Variants in XPO5 observed in about 807,000 individuals in gnomAD.
XPO5 encodes the protein exportin-5.
In XPO5, 46 loss-of-function variants were observed where a neutral mutation model predicts 160.6. The ratio of observed to expected loss-of-function variants is 0.29; its 90% CI spans 0.23 to 0.37. The LOEUF is 0.37. Among genes scored for constraint, XPO5 ranks in the 10% least tolerant of loss-of-function variants. XPO5 has a pLI of 1.00. For missense variants in XPO5, 1,090 were observed against 1,463.9 expected (o/e 0.74, Z 4.17); for synonymous variants, 537 against 519.3 (o/e 1.03, Z -0.46).
At chr6:43,551,553 C>CTTTAA in intron 14 of XPO5, 100 bp from the exon 15 acceptor site, 4 of 1,438,694 alleles carry the variant, frequency 2.8e-6, no homozygotes, top group South Asian at 1.3e-5. Flanking sequence ...GACAGGGTCT[C>CTTTAA]ATTCTGTCAC....
At chr6:43,570,731 T>C in intron 4 of XPO5, 47 bp from the exon 5 acceptor site, 3 of 1,543,638 alleles carry the variant, frequency 1.9e-6, no homozygotes, top group Non-Finnish European at 2.6e-6. Context: ...TATCTTTTCA[T>C]TTTATGTATA....
intron 24 of XPO5, 97 bp downstream of exon 24, chr6:43,528,731 T>G: frequency 1.7e-6 from 2 of 1,183,732 alleles, no homozygotes. Flanking sequence ...GCAGGGCTAG[T>G]AGACAACACT....
intron 4 of XPO5, 50 bp from the exon 5 acceptor site, chr6:43,570,734 T>C (rs757008319): frequency 5.2e-6 from 8 of 1,540,802 alleles, no homozygotes; most frequent in Non-Finnish European, 7.0e-6. Flanking sequence ...CTTTTCATTT[T>C]ATGTATATCC....
At position 43,547,642 on chromosome 6, in the gene XPO5, C is replaced by T; in HGVS notation, c.2126G>A (p.Gly709Asp). 1 of 1,614,058 alleles carries T rather than the reference C, an allele frequency of 6.2e-7. No homozygotes were observed. Among genetic ancestry groups the T allele is most frequent in the Non-Finnish European group, 8.5e-7 (1 of 1,179,904 alleles). Residue 709 changes from glycine (G) to aspartate (D), a missense_variant, in exon 19 of 32, where the codon GGC (glycine) becomes GAC (aspartate). Gly to Asp is a moderately conservative substitution (Grantham distance 94). Around this residue, in one of 3 missense-constraint regions of XPO5, gnomAD observed 810 missense variants for 1,139.0 expected, o/e 0.71. Transcript: ENST00000265351. ...GTTTAAGCCACACGGATCCTCCAGG[C>T]CTGGGTCACAGCTCTTCTGATCTGT... ...VGTDQKSCDP[G>D]LEDPCGLNRA...
At chr6:43,567,475 G>A in intron 6 of XPO5, 121 bp from the exon 7 acceptor site, 1 of 859,806 alleles carries the variant, frequency 1.2e-6, no homozygotes. Flanking sequence ...ATATACTCAT[G>A]TAACAGTCAC....
intron 31 of XPO5, among the ~76,000 whole-genome samples, chr6:43,524,253 G>C (rs1446587578): frequency 6.6e-6 from 1 of 151,844 alleles, no homozygotes; most frequent in Non-Finnish European, 1.5e-5. Context: ...TTGGGAGGCT[G>C]AGGCAGGAGA....
Position 43,573,472 on chromosome 6 carries a change from C to G in XPO5, c.227+8G>C. ...AGACTTCAGTGGTAATGTCCAAGAG[C>G]TCCTTACTTGACAACGTGTTCCAGG... is the stretch of plus-strand genomic sequence containing the variant. On this transcript the variant is annotated splice_region_variant and intron_variant, in intron 2 of 31. Transcript: ENST00000265351. The G allele has an allele frequency of 6.2e-7, 1 of 1,612,664 alleles. No homozygotes were observed. The highest frequency in any genetic ancestry group is 8.5e-7 in the Non-Finnish European group (1 of 1,179,030).
rs199514771 is a variant in XPO5 at position 43,565,653 on chromosome 6, T to A, written c.911+7A>T. ...TAGAAAACACACTGAAAAGTAAAGA[T>A]ACTCACTGTGCGGCGGAGAGTATAT... On this transcript the variant is annotated splice_region_variant and intron_variant, in intron 8 of 31. Coordinates refer to ENST00000265351, the MANE Select transcript of XPO5 (RefSeq NM_020750.3). 10 of 1,590,098 alleles carry A rather than the reference T, an allele frequency of 6.3e-6. No individual in the cohort carries two copies. In the Admixed American group the frequency reaches 1.8e-4, roughly 29 times the overall value.
chr6:43,574,156 C>T (rs998888906), intron 1 of XPO5, among the ~76,000 whole-genome samples: 16 of 151,194 alleles, frequency 1.1e-4, no homozygotes, highest in African/African-American at 2.4e-4. Context: ...TTAAATTAGC[C>T]GGGCATGGTG....
In XPO5 at chr6:43,576,016, G is replaced by A. The variant is rs1479601341; in HGVS notation, c.-152C>T. ...AGGAGCGTTAGCAGCAACTCGCGCTGGGAAGAAGCCGGCGCTGCGCACGCG... is the reference window on the plus strand; with the variant it reads ...AGGAGCGTTAGCAGCAACTCGCGCTAGGAAGAAGCCGGCGCTGCGCACGCG... On this transcript the variant is annotated 5_prime_UTR_variant, in exon 1 of 32. Coordinates refer to ENST00000265351, the MANE Select transcript of XPO5 (RefSeq NM_020750.3). 6.2e-6 allele frequency: 4 copies of A among 649,056 alleles called. No individual in the cohort carries two copies. Among genetic ancestry groups the A allele is most frequent in the East Asian group, 6.5e-5 (2 of 30,656 alleles). The allele number at this position is 649,056 out of a possible 1,614,324, so 40.2% of individuals were successfully genotyped here.
chr6:43,538,491 TGTGTGGATAAACAGA>T lies in XPO5; in HGVS notation c.2343-4499_2343-4485del, dbSNP rs1794489908. The stretch of plus-strand genomic sequence containing the variant: ...AGATATCTTAAATATATATAAACCT[TGTGTGGATAAACAGA>T]AAAAAGGAAAACATTCGGTGATATT... On this transcript the variant is annotated intron_variant, in intron 20 of 31. Transcript: ENST00000265351. 3.3e-5 allele frequency among the ~76,000 whole-genome samples: 5 copies of T among 152,190 alleles called. No homozygotes were observed. The South Asian group carries it at 1.0e-3, about 32-fold the overall frequency.
chr6:43,569,806 G>C (rs1253034266), intron 5 of XPO5, among the ~76,000 whole-genome samples: 2 of 151,812 alleles, frequency 1.3e-5, no homozygotes, highest in Admixed American at 6.6e-5. Flanking sequence ...CCTAGGGCTG[G>C]GCTCGGTGGC....
chr6:43,561,011 T>C lies in XPO5; in HGVS notation c.1012-4A>G. 1 of 1,611,954 alleles carries C rather than the reference T, an allele frequency of 6.2e-7. No individual in the cohort carries two copies. Among genetic ancestry groups the C allele is most frequent in the Non-Finnish European group, 8.5e-7 (1 of 1,178,108 alleles). On this transcript the variant is annotated splice_polypyrimidine_tract_variant and splice_region_variant and intron_variant, in intron 9 of 31. Coordinates refer to ENST00000265351, the MANE Select transcript of XPO5 (RefSeq NM_020750.3). The stretch of plus-strand genomic sequence containing the variant: ...TTTCTACATCAGAATCTGCACCCTG[T>C]AGGAGAAGACCACTATATTAACGGT...
In XPO5 at chr6:43,570,559, C is replaced by T; in HGVS notation, c.564G>A (p.Arg188=). The change falls in exon 5 of 32, where the codon AGG becomes AGA. Residue 188 remains arginine (R), a synonymous_variant. Transcript: ENST00000265351. ...IQQTLTQNME[R]IFSFLLNTLQ... ...GTGTGTTAAGCAGAAAACTGAAGAT[C>T]CTTTCCATGTTCTGGGTTAATGTTT... 6.2e-7 allele frequency: 1 copy of T among 1,613,650 alleles called. No individual in the cohort carries two copies. Among genetic ancestry groups the T allele is most frequent in the Admixed American group, 1.7e-5 (1 of 59,954 alleles).
At chr6:43,543,844 T>C (rs1794833309) in intron 20 of XPO5, among the ~76,000 whole-genome samples, 1 of 151,964 alleles carries the variant, frequency 6.6e-6, no homozygotes, top group African/African-American at 2.4e-5. Context: ...GCCTGGCTAA[T>C]TTTTGTATTT....
At chr6:43,557,991 A>G (rs1039943551) in intron 12 of XPO5, among the ~76,000 whole-genome samples, 2 of 151,902 alleles carry the variant, frequency 1.3e-5, no homozygotes, top group African/African-American at 4.8e-5. Context: ...GCTACTTGGG[A>G]AGCTGAGGCA....
At chr6:43,552,303 C>A (rs186884140) in intron 14 of XPO5, among the ~76,000 whole-genome samples, 2 of 152,190 alleles carry the variant, frequency 1.3e-5, no homozygotes, top group Admixed American at 1.3e-4. Context: ...GGTGATCCAC[C>A]CACCTTAGCC....
rs572808573 is a variant in XPO5 at position 43,536,199 on chromosome 6, G to A, written c.2343-2192C>T. The stretch of plus-strand genomic sequence containing the variant: ...GGAGGCTAAGGCAGACGGATCACCT[G>A]AGGTCAGGAGTTTGAGACCAGCCTG... On this transcript the variant is annotated intron_variant, in intron 20 of 31. Coordinates refer to ENST00000265351, the MANE Select transcript of XPO5 (RefSeq NM_020750.3). Among the ~76,000 whole-genome samples, 87 of 152,000 alleles carry A rather than the reference G, an allele frequency of 5.7e-4. 1 individual carries two copies. The highest frequency in any genetic ancestry group is 3.3e-3 in the Admixed American group (51 of 15,238).
chr6:43,527,748 G>A lies in XPO5; in HGVS notation c.2823-17C>T. On this transcript the variant is annotated splice_polypyrimidine_tract_variant and intron_variant, in intron 25 of 31. Coordinates refer to ENST00000265351, the MANE Select transcript of XPO5 (RefSeq NM_020750.3). ...TCTTCTCCACTGCAGAAAACCAGGG[G>A]GCCAAGTTCCACAGGAGTGCAGAAA... 6.2e-7 allele frequency: 1 copy of A among 1,613,644 alleles called. No individual in the cohort carries two copies.
Sources: allele counts gnomAD v4.1 joint callset (sites outside exome capture counted in the v4.1 genomes callset), GRCh38; gene constraint gnomAD v4.1.1; regional missense constraint gnomAD v4.1.1; transcripts MANE v1.5; gene names NCBI Gene and HGNC (gene_info 2026-07-23, HGNC 2026-07-21).